The following SLCO5A1 variants were observed in gnomAD, a reference collection of about 807,000 sequenced individuals.
SLCO5A1 encodes solute carrier organic anion transporter family member 5A1.
SLCO5A1 carries 39 observed loss-of-function variants against 65.1 expected under a neutral mutation model. The ratio of observed to expected loss-of-function variants is 0.60; its 90% CI spans 0.46 to 0.78. The LOEUF is 0.78. Ranked by LOEUF, SLCO5A1 falls within the 30% of genes least tolerant of loss-of-function variation. The pLI is 0.00. For missense variants in SLCO5A1, 1,029 were observed against 1,069.4 expected (o/e 0.96, Z 0.53); for synonymous variants, 438 against 415.7 (o/e 1.05, Z -0.65).
intron 5 of SLCO5A1, among the ~76,000 whole-genome samples, chr8:69,729,173 A>G (rs1233504782): frequency 2.6e-5 from 4 of 152,162 alleles, no homozygotes; most frequent in Non-Finnish European, 4.4e-5. Context: ...CGCCCGGTGC[A>G]GTGGCTCACG....
chr8:69,750,806 G>A (rs2130854829), intron 4 of SLCO5A1, among the ~76,000 whole-genome samples: 1 of 152,202 alleles, frequency 6.6e-6, no homozygotes, highest in East Asian at 1.9e-4. Context: ...ATTTCCATCT[G>A]TATTTGTCCT....
chr8:69,702,261 T>G (rs1176820241), intron 6 of SLCO5A1, among the ~76,000 whole-genome samples: 1 of 152,268 alleles, frequency 6.6e-6, no homozygotes. Flanking sequence ...GCTTTACATG[T>G]GTTACACACA....
intron 2 of SLCO5A1, among the ~76,000 whole-genome samples, chr8:69,826,452 C>T (rs1234159434): frequency 6.6e-6 from 1 of 152,038 alleles, no homozygotes; most frequent in South Asian, 2.1e-4. Context: ...CAAACAACCC[C>T]ATCAAAAAGT....
chr8:69,759,199 A>T (rs897778826), intron 3 of SLCO5A1, among the ~76,000 whole-genome samples: 2 of 152,178 alleles, frequency 1.3e-5, no homozygotes, highest in Non-Finnish European at 2.9e-5. Flanking sequence ...GCTGCTAGAC[A>T]TCGTATAAAA....
intron 2 of SLCO5A1, among the ~76,000 whole-genome samples, chr8:69,817,511 A>G (rs1487319597): frequency 6.6e-6 from 1 of 152,166 alleles, no homozygotes; most frequent in East Asian, 1.9e-4. Context: ...CAGAATTGGG[A>G]TTGTTGGATC....
In SLCO5A1 at chr8:69,672,880, G is replaced by T; in HGVS notation, c.2536C>A (p.Pro846Thr). 6.2e-7 allele frequency: 1 copy of T among 1,607,566 alleles called. No individual in the cohort carries two copies. The highest frequency in any genetic ancestry group is 2.2e-5 in the East Asian group (1 of 44,680). Residue 846 changes from proline to threonine, a missense_variant, in exon 10 of 10, where the codon CCG becomes ACG. By Grantham distance (38) the Pro-to-Thr change is conservative (BLOSUM62 -1). Around this residue, in one of 3 missense-constraint regions of SLCO5A1, gnomAD observed 258 missense variants for 237.4 expected, o/e 1.09. Transcript: ENST00000260126. The part of the protein sequence containing the change: ...GLEESPAALE[P>T]PS Reference sequence around the variant, plus strand: ...TCCATTTTCAAGCTTCAGGAGGGCGGCTCCAAGGCAGCGGGGCTCTCTTCC... The same window carrying T: ...TCCATTTTCAAGCTTCAGGAGGGCGTCTCCAAGGCAGCGGGGCTCTCTTCC...
chr8:69,822,563 AT>A (rs1820694527), intron 2 of SLCO5A1, among the ~76,000 whole-genome samples: 1 of 152,170 alleles, frequency 6.6e-6, no homozygotes, highest in Non-Finnish European at 1.5e-5. Context: ...GAATAGATAC[AT>A]TTAAGGGTTT....
At chr8:69,693,666 C>T (rs1429393475) in intron 6 of SLCO5A1, among the ~76,000 whole-genome samples, 12 of 152,190 alleles carry the variant, frequency 7.9e-5, no homozygotes, top group Non-Finnish European at 1.8e-4. Flanking sequence ...ACTTTATCCT[C>T]ATTAATAAGG....
At chr8:69,819,411 G>A (rs1352307108) in intron 2 of SLCO5A1, among the ~76,000 whole-genome samples, 1 of 151,628 alleles carries the variant, frequency 6.6e-6, no homozygotes, top group African/African-American at 2.4e-5. Context: ...AGATGGCCAA[G>A]CCTATTTATT....
chr8:69,712,369 G>T lies in SLCO5A1; in HGVS notation c.1424-7140C>A, dbSNP rs147963701. On this transcript the variant is annotated intron_variant, in intron 5 of 9. Transcript: ENST00000260126. ...CTGCATGGAGCCAAAGGGTCTTTATGAAAAATTAATATTTATTTAATTACC... is the reference window on the plus strand; with the variant it reads ...CTGCATGGAGCCAAAGGGTCTTTATTAAAAATTAATATTTATTTAATTACC... Among the ~76,000 whole-genome samples, 15 of 152,234 alleles carry T rather than the reference G, an allele frequency of 9.9e-5. No individual in the cohort carries two copies. In the East Asian group the frequency reaches 2.7e-3, roughly 27 times the overall value.
chr8:69,813,655 G>A (rs1476289145), intron 2 of SLCO5A1, among the ~76,000 whole-genome samples: 2 of 152,198 alleles, frequency 1.3e-5, no homozygotes, highest in East Asian at 3.8e-4. Context: ...ACATGCTCAA[G>A]GGATGGGCTT....
At chr8:69,828,451 A>T (rs894564459) in intron 2 of SLCO5A1, among the ~76,000 whole-genome samples, 5 of 151,978 alleles carry the variant, frequency 3.3e-5, no homozygotes, top group Admixed American at 3.3e-4. Context: ...AAATACAAAA[A>T]ATTAGCTGGG....
chr8:69,688,668 C>T (rs1814105824), intron 6 of SLCO5A1, among the ~76,000 whole-genome samples: 1 of 152,108 alleles, frequency 6.6e-6, no homozygotes, highest in South Asian at 2.1e-4. Flanking sequence ...GACATGAACT[C>T]ATCATTTTTT....
At chr8:69,786,084 A>G (rs985956934) in intron 2 of SLCO5A1, among the ~76,000 whole-genome samples, 2 of 152,210 alleles carry the variant, frequency 1.3e-5, no homozygotes, top group Non-Finnish European at 2.9e-5. Flanking sequence ...ACCACAGATG[A>G]TATAGTTATT....
chr8:69,820,419 G>T (rs2380604), intron 2 of SLCO5A1, among the ~76,000 whole-genome samples: 79,163 of 152,112 alleles, frequency 0.52, 20,801 homozygotes, highest in African/African-American at 0.59. Flanking sequence ...TATGGTTCCA[G>T]AGAACACTGA....
At chr8:69,688,358 T>A (rs1295435433) in intron 6 of SLCO5A1, among the ~76,000 whole-genome samples, 3 of 152,170 alleles carry the variant, frequency 2.0e-5, no homozygotes, top group Non-Finnish European at 4.4e-5. Flanking sequence ...TATTATACTT[T>A]AAGTTTTAGG....
chr8:69,792,970 G>GT (rs890542329), intron 2 of SLCO5A1, among the ~76,000 whole-genome samples: 2 of 151,738 alleles, frequency 1.3e-5, no homozygotes, highest in South Asian at 2.1e-4. Context: ...TTGTTGTTTG[G>GT]TTTTTTTGTT....
At chr8:69,729,287 A>G (rs1384791787) in intron 5 of SLCO5A1, among the ~76,000 whole-genome samples, 2 of 152,062 alleles carry the variant, frequency 1.3e-5, no homozygotes, top group Admixed American at 1.3e-4. Context: ...TACTAAAAAT[A>G]CAAAACATTA....
At chr8:69,815,511 C>T (rs1820366369) in intron 2 of SLCO5A1, among the ~76,000 whole-genome samples, 1 of 151,994 alleles carries the variant, frequency 6.6e-6, no homozygotes, top group Admixed American at 6.6e-5. Context: ...TCCTACAGCT[C>T]CTCTTGATGT....
Sources: gnomAD v4.1 joint callset for allele counts (sites outside exome capture counted in the v4.1 genomes callset) on GRCh38, gnomAD v4.1.1 for gene constraint, gnomAD v4.1.1 regional missense constraint, MANE v1.5 for transcripts, NCBI Gene and HGNC (gene_info 2026-07-23, HGNC 2026-07-21) for gene names.